Variants in FRMPD3 observed in about 807,000 individuals in gnomAD.
FRMPD3 encodes FERM and PDZ domain containing 3.
FRMPD3 carries 42 observed loss-of-function variants against 97.9 expected under a neutral mutation model. That is an observed-to-expected ratio of 0.43 (90% confidence interval 0.34 to 0.55). FRMPD3 has a LOEUF of 0.55. FRMPD3 is among the 20% of genes least tolerant of loss of function. The pLI is 0.03. For missense variants in FRMPD3, 1,303 were observed against 1,457.7 expected (o/e 0.89, Z 1.73); for synonymous variants, 577 against 581.1 (o/e 0.99, Z 0.10).
chrX:107,566,909 T>C (rs1265378070), intron 12 of FRMPD3, among the ~76,000 whole-genome samples: 1 of 111,307 alleles, frequency 9.0e-6, no homozygotes, highest in Non-Finnish European at 1.9e-5. Context: ...CCAGCCACAG[T>C]TGTGGGAATG....
intron 8 of FRMPD3, among the ~76,000 whole-genome samples, chrX:107,559,943 A>C (rs1050175407): frequency 5.5e-5 from 6 of 109,236 alleles, no homozygotes; most frequent in Admixed American, 5.0e-4. Flanking sequence ...AAAGTCTCTT[A>C]TAAAAGGAGG....
chrX:107,513,149 T>A (rs773178518), intron 1 of FRMPD3: 1 of 111,985 alleles, frequency 8.9e-6, no homozygotes, highest in South Asian at 3.8e-4. Flanking sequence ...AAAGGAAAGA[T>A]GACCTTGGTC....
At chrX:107,507,821 C>T (rs1024240814) in intron 1 of FRMPD3, among the ~76,000 whole-genome samples, 1 of 112,339 alleles carries the variant, frequency 8.9e-6, no homozygotes, top group Non-Finnish European at 1.9e-5. Flanking sequence ...CCCAGATCTT[C>T]CTTCTGTTCC....
At chrX:107,550,880 G>A (rs968076131) in intron 6 of FRMPD3, among the ~76,000 whole-genome samples, 1 of 111,808 alleles carries the variant, frequency 8.9e-6, no homozygotes, top group Non-Finnish European at 1.9e-5. Context: ...AACTAATGCC[G>A]CCCAAACTGC....
rs12688119 is a variant in FRMPD3 at position 107,460,389 on chromosome X, C to T, written c.-8+10384C>T. ...CAAGTTGGTTTCAGAAACTGAAGTACCCAGAGGATTTTTTTTTTTTTGACA... is the reference window on the plus strand; with the variant it reads ...CAAGTTGGTTTCAGAAACTGAAGTATCCAGAGGATTTTTTTTTTTTTGACA... On this transcript the variant is annotated intron_variant, in intron 1 of 14. Coordinates refer to ENST00000683843, the MANE Select transcript of FRMPD3 (RefSeq NM_001388459.1). 3.2e-3 allele frequency among the ~76,000 whole-genome samples: 344 copies of T among 109,111 alleles called. 10 individuals carry two copies. In the East Asian group the frequency reaches 0.083, roughly 26 times the overall value. 94.7% of individuals were successfully genotyped at this position (109,111 alleles called of 115,157 possible).
At chrX:107,487,921 C>T (rs1258568125) in intron 1 of FRMPD3, among the ~76,000 whole-genome samples, 1 of 112,047 alleles carries the variant, frequency 8.9e-6, no homozygotes, top group African/African-American at 3.2e-5. Context: ...GGATTTTCCT[C>T]GCAGCAGCAC....
intron 8 of FRMPD3, among the ~76,000 whole-genome samples, chrX:107,556,661 G>C (rs1045166602): frequency 8.9e-6 from 1 of 111,743 alleles, no homozygotes; most frequent in African/African-American, 3.3e-5. Context: ...CCTGCTTTCT[G>C]TCACTATAGA....
intron 12 of FRMPD3, among the ~76,000 whole-genome samples, chrX:107,574,277 T>A (rs758942929): frequency 1.7e-4 from 19 of 109,113 alleles, no homozygotes; most frequent in African/African-American, 6.3e-4. Flanking sequence ...CTGTCTCTAT[T>A]GAAAAAAAAA....
intron 4 of FRMPD3, among the ~76,000 whole-genome samples, chrX:107,543,817 GAAAAAAA>G (rs58427780): frequency 1.5e-5 from 1 of 66,511 alleles, no homozygotes; most frequent in African/African-American, 5.6e-5. Flanking sequence ...CTCCTTCTCA[GAAAAAAA>G]AAAAAAAAAA....
At chrX:107,522,443 G>A (rs1452147572) in intron 1 of FRMPD3, 1 of 557,936 alleles carries the variant, frequency 1.8e-6, no homozygotes, top group Admixed American at 2.2e-5. Flanking sequence ...GGTTGGGGCA[G>A]CTTGCAATGG....
At chrX:107,484,039 G>A (rs1921442107) in intron 1 of FRMPD3, among the ~76,000 whole-genome samples, 1 of 112,239 alleles carries the variant, frequency 8.9e-6, no homozygotes, top group African/African-American at 3.2e-5. Flanking sequence ...GCTGTGGCAG[G>A]GCCAGGAACT....
rs1233792476 is a variant in FRMPD3 at position 107,493,793 on chromosome X, A to G, written c.-7-32789A>G. ...CAGGGCCCCATTTTTTTGCCCTTGGAGAAACACATCTCCAATTATATGTTA... is the reference window on the plus strand; with the variant it reads ...CAGGGCCCCATTTTTTTGCCCTTGGGGAAACACATCTCCAATTATATGTTA... On this transcript the variant is annotated intron_variant, in intron 1 of 14. Transcript: ENST00000683843. 2.7e-5 allele frequency among the ~76,000 whole-genome samples: 3 copies of G among 111,818 alleles called. No individual in the cohort carries two copies. In the East Asian group the frequency reaches 8.4e-4, roughly 31 times the overall value.
At chrX:107,573,343 A>G (rs1791704640) in intron 12 of FRMPD3, among the ~76,000 whole-genome samples, 1 of 111,284 alleles carries the variant, frequency 9.0e-6, no homozygotes, top group African/African-American at 3.3e-5. Flanking sequence ...CGCCATTTAC[A>G]CTCAAACCTC....
chrX:107,505,506 G>A (rs1200479327), intron 1 of FRMPD3, among the ~76,000 whole-genome samples: 1 of 112,303 alleles, frequency 8.9e-6, no homozygotes, highest in East Asian at 2.8e-4. Flanking sequence ...GTTGCAGTGA[G>A]CTGAGATCGT....
chrX:107,497,853 C>T (rs756543685), intron 1 of FRMPD3, among the ~76,000 whole-genome samples: 5 of 111,936 alleles, frequency 4.5e-5, no homozygotes, highest in Non-Finnish European at 9.4e-5. Context: ...GTAGCAAGAG[C>T]GTGGGTGGTG....
intron 1 of FRMPD3, among the ~76,000 whole-genome samples, chrX:107,499,599 G>A (rs1425491093): frequency 8.9e-6 from 1 of 112,034 alleles, no homozygotes; most frequent in Non-Finnish European, 1.9e-5. Context: ...GATGACAAAA[G>A]GGAAATCAAC....
chrX:107,527,109 T>C (rs1014368262), intron 2 of FRMPD3, among the ~76,000 whole-genome samples: 2 of 112,011 alleles, frequency 1.8e-5, no homozygotes, highest in Non-Finnish European at 3.8e-5. Flanking sequence ...CCCAGCAATG[T>C]TGTCGGGAAG....
At chrX:107,503,136 C>T (rs1380728477) in intron 1 of FRMPD3, among the ~76,000 whole-genome samples, 1 of 111,510 alleles carries the variant, frequency 9.0e-6, no homozygotes, top group Admixed American at 9.4e-5. Context: ...TGAACGAATT[C>T]TCCCTTTGCT....
At chrX:107,501,514 G>T (rs868747244) in intron 1 of FRMPD3, among the ~76,000 whole-genome samples, 1 of 73,018 alleles carries the variant, frequency 1.4e-5, no homozygotes, top group Non-Finnish European at 2.5e-5. Flanking sequence ...GACTACAGGC[G>T]CCCGCCACCG....
Sources: gnomAD v4.1 joint callset for allele counts (sites outside exome capture counted in the v4.1 genomes callset) on GRCh38, gnomAD v4.1.1 for gene constraint, MANE v1.5 for transcripts, NCBI Gene and HGNC (gene_info 2026-07-23, HGNC 2026-07-21) for gene names.